Variants in CABLES1 observed in about 807,000 individuals in gnomAD.
The protein encoded by CABLES1 is Cdk5 and Abl enzyme substrate 1.
Under a neutral mutation model 57.8 loss-of-function variants are expected in CABLES1, and 36 were observed. The ratio of observed to expected loss-of-function variants is 0.62; its 90% CI spans 0.48 to 0.82. The LOEUF (loss-of-function observed/expected upper bound fraction) is 0.82, where lower values mean the gene tolerates loss of function less well. Among genes scored for constraint, CABLES1 ranks in the 40% least tolerant of loss-of-function variants. The probability of loss-of-function intolerance (pLI) is 0.00; values close to 1 mark genes in which losing one functional copy is unlikely to be tolerated. For missense variants in CABLES1, 767 were observed against 836.6 expected (o/e 0.92, Z 1.03); for synonymous variants, 374 against 363.0 (o/e 1.03, Z -0.35).
At chr18:23,209,220 A>G (rs1033943676) in intron 3 of CABLES1, among the ~76,000 whole-genome samples, 1 of 152,200 alleles carries the variant, frequency 6.6e-6, no homozygotes, top group African/African-American at 2.4e-5. Flanking sequence ...GCATATCTAC[A>G]TGGTCTCGCT....
At chr18:23,172,265 G>A (rs1461667874) in intron 1 of CABLES1, among the ~76,000 whole-genome samples, 3 of 152,108 alleles carry the variant, frequency 2.0e-5, no homozygotes, top group Non-Finnish European at 2.9e-5. Context: ...TCTGAACCCT[G>A]CCCTCCCTGT....
chr18:23,137,273 CTTGT>C (rs2046829253), intron 1 of CABLES1, among the ~76,000 whole-genome samples: 1 of 152,188 alleles, frequency 6.6e-6, no homozygotes, highest in Non-Finnish European at 1.5e-5. Context: ...GCTTGTTTTA[CTTGT>C]TTGTTAGCTG....
At chr18:23,209,227 C>T (rs148356763) in intron 3 of CABLES1, among the ~76,000 whole-genome samples, 107 of 152,300 alleles carry the variant, frequency 7.0e-4, no homozygotes, top group African/African-American at 2.5e-3. Context: ...TACATGGTCT[C>T]GCTACCTGCC....
intron 3 of CABLES1, among the ~76,000 whole-genome samples, chr18:23,211,796 TTAA>T (rs2047407009): frequency 6.6e-6 from 1 of 152,260 alleles, no homozygotes; most frequent in Non-Finnish European, 1.5e-5. Context: ...TAATCGATAC[TTAA>T]TAAGTATTGG....
At chr18:23,158,744 C>T (rs1448516949) in intron 1 of CABLES1, among the ~76,000 whole-genome samples, 1 of 152,102 alleles carries the variant, frequency 6.6e-6, no homozygotes, top group Non-Finnish European at 1.5e-5. Flanking sequence ...GTTGAATAGT[C>T]CCTGCCTCGA....
intron 1 of CABLES1, among the ~76,000 whole-genome samples, chr18:23,176,552 A>G (rs575725111): frequency 6.6e-6 from 1 of 152,116 alleles, no homozygotes; most frequent in Admixed American, 6.6e-5. Context: ...GCTGTACCCA[A>G]TCCCCATTCA....
chr18:23,135,726 T>C lies in CABLES1; in HGVS notation c.-37T>C, dbSNP rs567745239. On this transcript the variant is annotated 5_prime_UTR_variant, in exon 1 of 10. Coordinates refer to ENST00000256925, the MANE Select transcript of CABLES1 (RefSeq NM_001100619.3). ...TTAGCGCTCGGGCGCCGCTCGCTTC[T>C]CCGGGCATCGCGGAAATCCCGCCGC... 8 of 986,166 alleles carry C rather than the reference T, an allele frequency of 8.1e-6. No homozygotes were observed. In the East Asian group the frequency reaches 7.8e-4, roughly 97 times the overall value. 61.1% of individuals were successfully genotyped at this position (986,166 alleles called of 1,614,324 possible). A position where few individuals can be genotyped will look rare whatever the true frequency, so the allele number is the denominator to read the frequency against.
chr18:23,192,738 CCTT>C (rs1409191375), intron 2 of CABLES1, among the ~76,000 whole-genome samples: 3 of 152,160 alleles, frequency 2.0e-5, no homozygotes, highest in Non-Finnish European at 2.9e-5. Flanking sequence ...GTTTCAAGAA[CCTT>C]CTTTGCGTGT....
intron 1 of CABLES1, among the ~76,000 whole-genome samples, chr18:23,160,824 A>G (rs1381552233): frequency 2.0e-5 from 3 of 152,110 alleles, no homozygotes; most frequent in African/African-American, 4.8e-5. Flanking sequence ...ACTTGAGGTC[A>G]GGAGTTTGAG....
At chr18:23,153,568 T>C (rs1326363485) in intron 1 of CABLES1, among the ~76,000 whole-genome samples, 2 of 152,054 alleles carry the variant, frequency 1.3e-5, no homozygotes, top group African/African-American at 4.8e-5. Context: ...ACCCTGTCTC[T>C]ACTAGAAATA....
At chr18:23,200,516 C>G (rs1207205458) in intron 3 of CABLES1, among the ~76,000 whole-genome samples, 1 of 152,060 alleles carries the variant, frequency 6.6e-6, no homozygotes. Context: ...CCCGCCTTGG[C>G]CTCCCAAAGT....
Position 23,135,864 on chromosome 18 carries a change from GC to G in CABLES1, c.106del (p.Gln36SerfsTer97). The G allele has an allele frequency of 9.8e-7, 1 of 1,018,100 alleles. No individual in the cohort carries two copies. The allele number at this position is 1,018,100 out of a possible 1,614,324, so 63.1% of individuals were successfully genotyped here. A position where few individuals can be genotyped will look rare whatever the true frequency, so the allele number is the denominator to read the frequency against. On this transcript the variant is annotated frameshift_variant, in exon 1 of 10. Coordinates refer to ENST00000256925, the MANE Select transcript of CABLES1 (RefSeq NM_001100619.3). LOFTEE classifies it high-confidence loss of function. ...ASGLQQPPPQPQPQPAAAAPA... is the reference protein window; with the variant it reads ...ASGLQQPPPQXQPQPAAAAPA... ...GCGGATTGCAGCAGCCGCCGCCGCA[GC>G]CCCAGCCTCAGCCCGCGGCCGCCGC...
intron 1 of CABLES1, among the ~76,000 whole-genome samples, chr18:23,140,070 C>T (rs1038575699): frequency 2.0e-5 from 3 of 152,162 alleles, no homozygotes; most frequent in African/African-American, 7.2e-5. Context: ...GACGGGACTC[C>T]AGCACTGGGA....
intron 4 of CABLES1, among the ~76,000 whole-genome samples, chr18:23,223,585 A>G (rs1452211915): frequency 6.6e-6 from 1 of 151,436 alleles, no homozygotes; most frequent in Non-Finnish European, 1.5e-5. Flanking sequence ...CTCAGAAAAA[A>G]AAAAAAAAAA....
chr18:23,163,763 A>G (rs930670525), intron 1 of CABLES1, among the ~76,000 whole-genome samples: 11 of 152,166 alleles, frequency 7.2e-5, no homozygotes, highest in African/African-American at 2.2e-4. Flanking sequence ...GAAGAGGTTT[A>G]TGGTTATTTA....
chr18:23,218,232 A>G (rs1452881255), intron 4 of CABLES1, among the ~76,000 whole-genome samples: 6 of 151,486 alleles, frequency 4.0e-5, no homozygotes, highest in Non-Finnish European at 7.4e-5. Flanking sequence ...CTTGTGCTGC[A>G]CTCAAGCTTC....
At chr18:23,160,448 G>A (rs1166541250) in intron 1 of CABLES1, among the ~76,000 whole-genome samples, 1 of 152,170 alleles carries the variant, frequency 6.6e-6, no homozygotes, top group Admixed American at 6.5e-5. Context: ...GTGCAGTGCC[G>A]GGCACATGGT....
rs1381439087 is a variant in CABLES1 at position 23,236,000 on chromosome 18, C to T, written c.1291C>T (p.Arg431Cys). 1.6e-5 allele frequency: 26 copies of T among 1,614,088 alleles called. No individual in the cohort carries two copies. The highest frequency in any genetic ancestry group is 2.2e-5 in the East Asian group (1 of 44,896). The change falls in exon 6 of 10, where the codon CGC (arginine) becomes TGC (cysteine). Residue 431 changes from arginine to cysteine, a missense_variant. Arg to Cys is a radical substitution (Grantham distance 180). This residue lies in a region of CABLES1 where 529 missense variants were observed against 622.8 expected (regional missense o/e 0.85). Coordinates refer to ENST00000256925, the MANE Select transcript of CABLES1 (RefSeq NM_001100619.3). ...CTCCCAGTTCCGTAACCTGAGCCAC[C>T]GCAGCCTCTCCATAGGCCGGGCAAG... The part of the protein sequence containing the change: ...SFSQFRNLSH[R>C]SLSIGRASGT...
rs1435944887 is a variant in CABLES1, at chr18:23,175,854, T to TG, written c.846-12983dup. Among the ~76,000 whole-genome samples the TG allele has an allele frequency of 5.9e-5, 9 of 152,232 alleles. No individual in the cohort carries two copies. In the East Asian group the frequency reaches 1.7e-3, roughly 29 times the overall value. On this transcript the variant is annotated intron_variant, in intron 1 of 9. Coordinates refer to ENST00000256925, the MANE Select transcript of CABLES1 (RefSeq NM_001100619.3). Reference sequence around the variant, plus strand: ...AGCACCTCCTATGTACCAGGTAATGTGCTAATCATTGAAGGGGTTTCAAAG... The same window carrying TG: ...AGCACCTCCTATGTACCAGGTAATGTGGCTAATCATTGAAGGGGTTTCAAAG...
Sources: allele counts gnomAD v4.1 joint callset (sites outside exome capture counted in the v4.1 genomes callset), GRCh38; gene constraint gnomAD v4.1.1; regional missense constraint gnomAD v4.1.1; transcripts MANE v1.5; gene names NCBI Gene and HGNC (gene_info 2026-07-23, HGNC 2026-07-21).